BCAP29: variants seen among roughly 807,000 people sequenced by gnomAD.
BCAP29 encodes the protein B-cell receptor-associated protein 29.
Under a neutral mutation model 31.8 loss-of-function variants are expected in BCAP29, and 34 were observed. The ratio of observed to expected loss-of-function variants is 1.07; its 90% CI spans 0.81 to 1.42. The LOEUF (loss-of-function observed/expected upper bound fraction) is 1.42. Ranked by LOEUF, BCAP29 falls within the 40% of genes most tolerant of loss-of-function variation. BCAP29 has a pLI of 0.00. For missense variants in BCAP29, 314 were observed against 269.2 expected (o/e 1.17, Z -1.16); for synonymous variants, 104 against 91.3 (o/e 1.14, Z -0.79).
chr7:107,599,148 AAT>A (rs1158298194), intron 5 of BCAP29, among the ~76,000 whole-genome samples: 1 of 124,560 alleles, frequency 8.0e-6, no homozygotes, highest in Non-Finnish European at 1.6e-5. Context: ...TATGTATATA[AAT>A]ATATATTTAT....
intron 5 of BCAP29, 50 bp downstream of exon 5, chr7:107,596,052 G>A (rs1585111064): frequency 2.0e-6 from 3 of 1,463,654 alleles, no homozygotes; most frequent in South Asian, 1.4e-5. Flanking sequence ...TTCCCGAGGA[G>A]TAATGTATTT....
At chr7:107,600,644 T>C (rs1310924042) in intron 6 of BCAP29, 139 bp downstream of exon 6, 1 of 539,794 alleles carries the variant, frequency 1.9e-6, no homozygotes, top group Non-Finnish European at 3.2e-6. Flanking sequence ...TAAATTCTTG[T>C]TCAAATATGA....
At chr7:107,593,681 T>TA (rs953167480) in intron 3 of BCAP29, among the ~76,000 whole-genome samples, 10 of 152,140 alleles carry the variant, frequency 6.6e-5, no homozygotes, top group African/African-American at 2.4e-4. Context: ...GCAGTGTAGT[T>TA]AGAGATGAGA....
At chr7:107,589,200 G>A (rs954854287) in intron 3 of BCAP29, among the ~76,000 whole-genome samples, 2 of 152,206 alleles carry the variant, frequency 1.3e-5, no homozygotes, top group Non-Finnish European at 2.9e-5. Context: ...CAGCTTCATG[G>A]AAGACAGTTT....
intron 1 of BCAP29, 77 bp from the exon 2 acceptor site, chr7:107,580,682 A>G (rs985726097): frequency 7.0e-6 from 7 of 1,006,308 alleles, no homozygotes; most frequent in African/African-American, 1.7e-5. Flanking sequence ...CCCCTGGACA[A>G]AAACGCTGCG....
downstream of BCAP29, chr7:107,621,322 T>C (rs146015616): frequency 3.0e-3 from 582 of 191,390 alleles, 1 homozygote; most frequent in Non-Finnish European, 5.1e-3. Context: ...AATCCACTTA[T>C]GAAATTCTTT....
intron 7 of BCAP29, among the ~76,000 whole-genome samples, chr7:107,614,372 C>A (rs1813751620): frequency 6.6e-6 from 1 of 152,160 alleles, no homozygotes; most frequent in African/African-American, 2.4e-5. Flanking sequence ...GGTTTTTTAT[C>A]TTAGGCAGGT....
chr7:107,611,952 C>T (rs1018141505), intron 6 of BCAP29, among the ~76,000 whole-genome samples: 1 of 152,022 alleles, frequency 6.6e-6, no homozygotes, highest in African/African-American at 2.4e-5. Flanking sequence ...TAGTGACTAC[C>T]GTATTGACAA....
rs1585267018 is a variant in BCAP29 at position 107,618,911 on chromosome 7, G to A, written c.*548G>A. On this transcript the variant is annotated 3_prime_UTR_variant, in exon 8 of 8. Transcript: ENST00000005259. ...TTTTTTTAAGCCTGATGATACTATG[G>A]TTTACTCTAATAAGATAGCTATATT... is the stretch of plus-strand genomic sequence containing the variant. The A allele has an allele frequency of 5.5e-6, 1 of 182,996 alleles. No homozygotes were observed. The highest frequency in any genetic ancestry group is 1.4e-4 in the East Asian group (1 of 7,234). The allele number at this position is 182,996 out of a possible 1,614,324, so 11.3% of individuals were successfully genotyped here. A position where few individuals can be genotyped will look rare whatever the true frequency, so the allele number is the denominator to read the frequency against.
At chr7:107,613,883 AT>A in intron 7 of BCAP29, 1 of 617,536 alleles carries the variant, frequency 1.6e-6, no homozygotes, top group Non-Finnish European at 2.8e-6. Flanking sequence ...CCAAATGTTG[AT>A]TTGAAAGATG....
intron 6 of BCAP29, among the ~76,000 whole-genome samples, chr7:107,610,764 G>T (rs1337709938): frequency 6.6e-6 from 1 of 152,044 alleles, no homozygotes; most frequent in Non-Finnish European, 1.5e-5. Context: ...CTGTACAAGT[G>T]GTTTTCTAGC....
rs1024890435 is a variant in BCAP29, at chr7:107,619,064, T to C, written c.*701T>C. On this transcript the variant is annotated 3_prime_UTR_variant, in exon 8 of 8. Coordinates refer to ENST00000005259, the MANE Select transcript of BCAP29 (RefSeq NM_018844.4). ...ATCTAGTAATAGAGCTTACATATAT[T>C]TGTATAACTGCTATACCACTGAACT... is the stretch of plus-strand genomic sequence containing the variant. The C allele has an allele frequency of 6.5e-6, 1 of 152,926 alleles. No homozygotes were observed. The highest frequency in any genetic ancestry group is 1.5e-5 in the Non-Finnish European group (1 of 68,286). 9.5% of individuals were successfully genotyped at this position (152,926 alleles called of 1,614,324 possible).
At chr7:107,603,942 C>T (rs771239247) in intron 6 of BCAP29, among the ~76,000 whole-genome samples, 36 of 151,572 alleles carry the variant, frequency 2.4e-4, no homozygotes, top group Middle Eastern at 3.4e-3. Flanking sequence ...GTAATTCAGT[C>T]GTTGTAAAGT....
At chr7:107,618,108 G>C (rs573259005) in intron 7 of BCAP29, among the ~76,000 whole-genome samples, 1 of 152,162 alleles carries the variant, frequency 6.6e-6, no homozygotes. Flanking sequence ...ATAGATTAAG[G>C]CAAGGGGAAA....
rs370691308 is a variant in BCAP29 at position 107,613,441 on chromosome 7, G to A, written c.690+9G>A. ...AACACTCTGAACTTCAGGTGGGTGT[G>A]ACATGCACTTTATGCACCTAAATGT... On this transcript the variant is annotated intron_variant, in intron 7 of 7. Coordinates refer to ENST00000005259, the MANE Select transcript of BCAP29 (RefSeq NM_018844.4). 67 of 1,578,742 alleles carry A rather than the reference G, an allele frequency of 4.2e-5. No individual in the cohort carries two copies. The highest frequency in any genetic ancestry group is 5.7e-5 in the Non-Finnish European group (65 of 1,150,336).
At position 107,618,532 on chromosome 7, in the gene BCAP29, A is replaced by G. The variant is rs747328335; in HGVS notation, c.*169A>G. The G allele has an allele frequency of 1.9e-6, 3 of 1,606,402 alleles. No individual in the cohort carries two copies. The highest frequency in any genetic ancestry group is 2.6e-6 in the Non-Finnish European group (3 of 1,173,466). On this transcript the variant is annotated 3_prime_UTR_variant, in exon 8 of 8. Transcript: ENST00000005259. Reference sequence around the variant, plus strand: ...TTATCAAAATATTTGATGATGTTTCAGATATATTGCAAAGTCTGTATTCCA... The same window carrying G: ...TTATCAAAATATTTGATGATGTTTCGGATATATTGCAAAGTCTGTATTCCA...
rs756615833 is a variant in BCAP29, at chr7:107,619,556, C to A, written c.*1193C>A. 1 of 152,086 alleles carries A rather than the reference C, an allele frequency of 6.6e-6. No individual in the cohort carries two copies. Among genetic ancestry groups the A allele is most frequent in the Non-Finnish European group, 1.5e-5 (1 of 67,994 alleles). The allele number at this position is 152,086 out of a possible 1,614,324, so 9.4% of individuals were successfully genotyped here. ...TTCATCATAAAGTGGATGAAATGAG[C>A]AAGTACCTAAAAATTTTATTTCAGA... is the stretch of plus-strand genomic sequence containing the variant. On this transcript the variant is annotated 3_prime_UTR_variant, in exon 8 of 8. Transcript: ENST00000005259.
At chr7:107,599,272 T>TTATATATAAATTTTATTTATATATATTTA (rs1317708112) in intron 5 of BCAP29, among the ~76,000 whole-genome samples, 2 of 84,232 alleles carry the variant, frequency 2.4e-5, no homozygotes, top group African/African-American at 1.1e-4. Context: ...ATATATATAT[T>TTATATATAAATTTTATTTATATATATTTA]TATATATAAT....
chr7:107,612,453 T>C (rs1813407428), intron 6 of BCAP29, among the ~76,000 whole-genome samples: 2 of 139,628 alleles, frequency 1.4e-5, no homozygotes, highest in Non-Finnish European at 3.1e-5. Context: ...ATTTTACTTC[T>C]ATCTAAGGCC....
Sources: gnomAD v4.1 joint callset for allele counts (sites outside exome capture counted in the v4.1 genomes callset) on GRCh38, gnomAD v4.1.1 for gene constraint, MANE v1.5 for transcripts, NCBI Gene and HGNC (gene_info 2026-07-23, HGNC 2026-07-21) for gene names.